The following IGSF21 variants were observed in gnomAD, a reference collection of about 807,000 sequenced individuals.
IGSF21 encodes immunoglobulin superfamily member 21.
IGSF21 carries 28 observed loss-of-function variants against 46.8 expected under a neutral mutation model. The observed-to-expected ratio is 0.60, with a 90% CI of 0.44 to 0.82. IGSF21 has a LOEUF of 0.82. Among genes scored for constraint, IGSF21 ranks in the 40% least tolerant of loss-of-function variants. The pLI is 0.00. For missense variants in IGSF21, 624 were observed against 665.5 expected (o/e 0.94, Z 0.69); for synonymous variants, 284 against 273.6 (o/e 1.04, Z -0.38).
chr1:18,296,893 T>C (rs1052189607), intron 3 of IGSF21, among the ~76,000 whole-genome samples: 3 of 152,352 alleles, frequency 2.0e-5, no homozygotes, highest in African/African-American at 7.2e-5. Flanking sequence ...CAGATTTCAC[T>C]GGCCTTAATT....
rs2085760914 is a variant in IGSF21, at chr1:18,335,867, G to A, written c.424+857G>A. On this transcript the variant is annotated intron_variant, in intron 4 of 9. Transcript: ENST00000251296. The surrounding 1 kb of genome is among the most constrained non-coding windows in gnomAD (Gnocchi z 4.8). ...GGACATTGATTCCTGCAGCACACCCGTGGTGGTTCTGGCTTCCCGATGGAG... is the reference window on the plus strand; with the variant it reads ...GGACATTGATTCCTGCAGCACACCCATGGTGGTTCTGGCTTCCCGATGGAG... Among the ~76,000 whole-genome samples the A allele has an allele frequency of 6.6e-6, 1 of 152,328 alleles. No individual in the cohort carries two copies. The highest frequency in any genetic ancestry group is 2.1e-4 in the South Asian group (1 of 4,824).
chr1:18,318,453 T>TGTGC lies in IGSF21; in HGVS notation c.306-16427_306-16424dup, dbSNP rs918170741. Among the ~76,000 whole-genome samples, 376 of 133,430 alleles carry TGTGC rather than the reference T, an allele frequency of 2.8e-3. 2 individuals carry two copies. The highest frequency in any genetic ancestry group is 9.3e-3 in the African/African-American group (324 of 34,690). The allele number at this position is 133,430 out of a possible 152,430, so 87.5% of individuals were successfully genotyped here. A position where few individuals can be genotyped will look rare whatever the true frequency, so the allele number is the denominator to read the frequency against. On this transcript the variant is annotated intron_variant, in intron 3 of 9. Coordinates refer to ENST00000251296, the MANE Select transcript of IGSF21 (RefSeq NM_032880.5). ...TCTCCACTGATAGGGTGCATGCACG[T>TGTGC]GTGCGTGCGTGCGTGTGTGTGTGTG...
intron 2 of IGSF21, among the ~76,000 whole-genome samples, chr1:18,245,542 A>G (rs2084776086): frequency 6.6e-6 from 1 of 152,158 alleles, no homozygotes; most frequent in African/African-American, 2.4e-5. Flanking sequence ...GCATCCTACA[A>G]ATTAGATGAA....
chr1:18,124,203 C>A (rs1196338705), intron 1 of IGSF21, among the ~76,000 whole-genome samples: 1 of 152,194 alleles, frequency 6.6e-6, no homozygotes, highest in African/African-American at 2.4e-5. Context: ...CAGGTCCAGG[C>A]TCTCTTCTTC....
intron 2 of IGSF21, among the ~76,000 whole-genome samples, chr1:18,232,696 C>G (rs2084639777): frequency 6.6e-6 from 1 of 152,212 alleles, no homozygotes; most frequent in African/African-American, 2.4e-5. Flanking sequence ...TGGACCATGA[C>G]TATCTGAAGA....
chr1:18,280,780 A>G (rs2085151129), intron 2 of IGSF21, among the ~76,000 whole-genome samples: 1 of 149,778 alleles, frequency 6.7e-6, no homozygotes, highest in African/African-American at 2.4e-5. Flanking sequence ...CTTGTCCTGA[A>G]CCCCCCTCAC....
chr1:18,133,101 G>A (rs148238673), intron 1 of IGSF21, among the ~76,000 whole-genome samples: 3 of 152,348 alleles, frequency 2.0e-5, no homozygotes, highest in African/African-American at 7.2e-5. Flanking sequence ...AAAAGCTCAG[G>A]CTGACTTTGT....
intron 2 of IGSF21, among the ~76,000 whole-genome samples, chr1:18,266,317 T>A (rs941651007): frequency 6.6e-6 from 1 of 152,206 alleles, no homozygotes; most frequent in African/African-American, 2.4e-5. Context: ...GCAGTTGGAT[T>A]CAAGAGCCCA....
At chr1:18,270,248 CT>C (rs1289621816) in intron 2 of IGSF21, among the ~76,000 whole-genome samples, 1 of 152,190 alleles carries the variant, frequency 6.6e-6, no homozygotes, top group Non-Finnish European at 1.5e-5. Context: ...GAAACAGCTC[CT>C]TTGAAGACCT....
In IGSF21 at chr1:18,278,538, T is replaced by TGTTA. The variant is rs774035138; in HGVS notation, c.184-13325_184-13324insAGTT. On this transcript the variant is annotated intron_variant, in intron 2 of 9. Coordinates refer to ENST00000251296, the MANE Select transcript of IGSF21 (RefSeq NM_032880.5). ...TTACAGGTGTAAGGTTTTTTTTGTT[T>TGTTA]GTTTGTTTGTTTGTTTGTTTGTTTG... 8.0e-4 allele frequency among the ~76,000 whole-genome samples: 101 copies of TGTTA among 125,980 alleles called. 4 individuals are homozygous for TGTTA. The highest frequency in any genetic ancestry group is 6.6e-3 in the Admixed American group (86 of 12,954). The allele number at this position is 125,980 out of a possible 152,430, so 82.6% of individuals were successfully genotyped here.
At chr1:18,166,668 C>T (rs2086681750) in intron 1 of IGSF21, among the ~76,000 whole-genome samples, 2 of 152,072 alleles carry the variant, frequency 1.3e-5, no homozygotes, top group Non-Finnish European at 2.9e-5. Context: ...GCACCGAGGG[C>T]CTGAGGGGAA....
rs1294168052 is a variant in IGSF21 at position 18,142,106 on chromosome 1, G to A, written c.70+33908G>A. On this transcript the variant is annotated intron_variant, in intron 1 of 9. Transcript: ENST00000251296. Reference sequence around the variant, plus strand: ...TATGTATATGTATATATAAAATAAAGCACAGTTTGGATGAAAAATAAACAA... The same window carrying A: ...TATGTATATGTATATATAAAATAAAACACAGTTTGGATGAAAAATAAACAA... Among the ~76,000 whole-genome samples the A allele has an allele frequency of 2.0e-5, 3 of 152,268 alleles. No individual in the cohort carries two copies. In the East Asian group the frequency reaches 5.8e-4, roughly 29 times the overall value.
At chr1:18,354,971 C>T (rs553908517) in intron 4 of IGSF21, among the ~76,000 whole-genome samples, 3 of 152,282 alleles carry the variant, frequency 2.0e-5, no homozygotes, top group African/African-American at 7.2e-5. Context: ...TCTCAAAAAC[C>T]CTGGAAGCTG....
intron 1 of IGSF21, among the ~76,000 whole-genome samples, chr1:18,154,718 A>G (rs551442690): frequency 2.0e-5 from 3 of 152,100 alleles, no homozygotes; most frequent in African/African-American, 7.2e-5. Flanking sequence ...GAGCTAAACT[A>G]TTTAGGCTCA....
At chr1:18,233,624 C>T (rs1042362593) in intron 2 of IGSF21, among the ~76,000 whole-genome samples, 1 of 152,150 alleles carries the variant, frequency 6.6e-6, no homozygotes, top group Non-Finnish European at 1.5e-5. Context: ...TCAATGATAG[C>T]TATTGTCATT....
chr1:18,291,738 C>T, intron 2 of IGSF21, 128 bp from the exon 3 acceptor site: 1 of 1,166,110 alleles, frequency 8.6e-7, no homozygotes, highest in Admixed American at 2.1e-5. Context: ...TCGGTTATTA[C>T]CTTATTCTCA....
At chr1:18,114,321 G>A (rs114267676) in intron 1 of IGSF21, 1 of 152,344 alleles carries the variant, frequency 6.6e-6, no homozygotes, top group African/African-American at 2.4e-5. Context: ...GACCCCATCT[G>A]GTTCTGTTCA....
chr1:18,237,866 G>A (rs2124515123), intron 2 of IGSF21, among the ~76,000 whole-genome samples: 1 of 152,282 alleles, frequency 6.6e-6, no homozygotes, highest in South Asian at 2.1e-4. Flanking sequence ...GAGAGTTTAG[G>A]GGATTCCAAT....
intron 3 of IGSF21, among the ~76,000 whole-genome samples, chr1:18,333,126 G>A (rs938923116): frequency 4.6e-5 from 7 of 152,176 alleles, no homozygotes; most frequent in African/African-American, 9.7e-5. Context: ...GAGCCTGAGC[G>A]CCAACCAACT....
Sources: gnomAD v4.1 joint callset for allele counts (sites outside exome capture counted in the v4.1 genomes callset) on GRCh38, gnomAD v4.1.1 for gene constraint, Gnocchi (gnomAD v3.1) non-coding constraint, MANE v1.5 for transcripts, NCBI Gene and HGNC (gene_info 2026-07-23, HGNC 2026-07-21) for gene names.